The following DSG4 variants were observed in gnomAD, a reference collection of about 807,000 sequenced individuals.
The protein encoded by DSG4 is desmoglein-4.
A neutral mutation model predicts 93.1 loss-of-function variants in DSG4; 87 were observed. That is an observed-to-expected ratio of 0.93 (90% CI 0.79 to 1.12). The LOEUF (loss-of-function observed/expected upper bound fraction) is 1.12, where lower values mean the gene tolerates loss of function less well. Ranked by LOEUF, DSG4 falls within the 50% of genes most tolerant of loss-of-function variation. DSG4 has a pLI of 0.00. For synonymous variants in DSG4, 432 were observed against 452.9 expected, an observed-to-expected ratio of 0.95 and a Z score of 0.59; for missense variants, 1,373 against 1,285.7, an observed-to-expected ratio of 1.07 and a Z score of -1.04.
At chr18:31,410,246 A>T (rs968867158) in intron 14 of DSG4, among the ~76,000 whole-genome samples, 1 of 152,052 alleles carries the variant, frequency 6.6e-6, no homozygotes, top group Non-Finnish European at 1.5e-5. Flanking sequence ...ATTTAACCTC[A>T]CTGGGCCTCA....
chr18:31,391,308 C>T lies in DSG4; in HGVS notation c.819+96C>T. ...ATCATGCTGGCTCATGAGCCTGGTT[C>T]TGTCCTATGTGTGGACATACTCAAC... On this transcript the variant is annotated intron_variant, in intron 7 of 15. Coordinates refer to ENST00000308128, the MANE Select transcript of DSG4 (RefSeq NM_177986.5). 1.9e-6 allele frequency: 3 copies of T among 1,545,106 alleles called. No individual in the cohort carries two copies. The Admixed American group carries it at 5.1e-5, about 26-fold the overall frequency.
At chr18:31,383,200 C>G (rs562183454) in intron 1 of DSG4, among the ~76,000 whole-genome samples, 1 of 152,348 alleles carries the variant, frequency 6.6e-6, no homozygotes, top group East Asian at 1.9e-4. Context: ...CTATTTGGAT[C>G]AGAGTCTGAA....
At chr18:31,409,372 T>C in intron 12 of DSG4, 80 bp from the exon 13 acceptor site, 1 of 1,604,092 alleles carries the variant, frequency 6.2e-7, no homozygotes, top group Non-Finnish European at 8.5e-7. Flanking sequence ...TGCCACCAAA[T>C]GCTCCCCAGA....
At chr18:31,411,135 G>T (rs1244013607) in intron 14 of DSG4, 96 bp from the exon 15 acceptor site, 1 of 1,612,974 alleles carries the variant, frequency 6.2e-7, no homozygotes, top group South Asian at 1.1e-5. Context: ...GCCTTGCCGG[G>T]TGGTGGTGGC....
chr18:31,409,947 T>C, intron 14 of DSG4, 139 bp downstream of exon 14: 1 of 975,594 alleles, frequency 1.0e-6, no homozygotes, highest in Non-Finnish European at 1.5e-6. Context: ...ATGTGACCTG[T>C]TTGAAGTAGC....
At position 31,403,599 on chromosome 18, in the gene DSG4, G is replaced by A; in HGVS notation, c.1601G>A (p.Gly534Glu). Residue 534 changes from glycine to glutamate, a missense_variant, in exon 11 of 16, where the codon GGA becomes GAA. Gly to Glu is a moderately conservative substitution (Grantham distance 98). Coordinates refer to ENST00000308128, the MANE Select transcript of DSG4 (RefSeq NM_177986.5). ...FTFCVVDEPP[G>E]IADMWDVRST... Reference sequence around the variant, plus strand: ...TTCTGTGTTGTTGATGAGCCACCAGGAATAGCTGACATGTGGGATGTCAGA... The same window carrying A: ...TTCTGTGTTGTTGATGAGCCACCAGAAATAGCTGACATGTGGGATGTCAGA... The A allele has an allele frequency of 1.2e-6, 2 of 1,613,974 alleles. No individual in the cohort carries two copies. Among genetic ancestry groups the A allele is most frequent in the Non-Finnish European group, 1.7e-6 (2 of 1,179,930 alleles).
intron 3 of DSG4, among the ~76,000 whole-genome samples, chr18:31,387,262 T>C (rs113204066): frequency 3.3e-5 from 5 of 152,270 alleles, no homozygotes; most frequent in African/African-American, 1.2e-4. Context: ...TATAAGACTT[T>C]CACAAATAAT....
chr18:31,396,543 C>T (rs1037868146), intron 8 of DSG4, among the ~76,000 whole-genome samples: 2 of 151,756 alleles, frequency 1.3e-5, no homozygotes, highest in Non-Finnish European at 1.5e-5. Context: ...TCAGTAGAGA[C>T]GGGGTTTCAC....
intron 3 of DSG4, among the ~76,000 whole-genome samples, 155 bp downstream of exon 3, chr18:31,386,974 T>C (rs147403628): frequency 2.0e-5 from 3 of 152,266 alleles, no homozygotes; most frequent in Non-Finnish European, 2.9e-5. Context: ...TTGAATATCA[T>C]GTGCAGGGAG....
At chr18:31,400,678 A>G (rs1005878229) in intron 9 of DSG4, among the ~76,000 whole-genome samples, 1 of 152,156 alleles carries the variant, frequency 6.6e-6, no homozygotes, top group African/African-American at 2.4e-5. Flanking sequence ...AAATGATGAA[A>G]TTTTAAAACT....
rs2072511664 is a variant in DSG4, at chr18:31,412,946, T to TG, written c.2476dup (p.Asp826GlyfsTer2). 5 of 1,614,098 alleles carry TG rather than the reference T, an allele frequency of 3.1e-6. No individual in the cohort carries two copies. The highest frequency in any genetic ancestry group is 4.2e-6 in the Non-Finnish European group (5 of 1,180,054). On this transcript the variant is annotated frameshift_variant, in exon 16 of 16. Coordinates refer to ENST00000308128, the MANE Select transcript of DSG4 (RefSeq NM_177986.5). LOFTEE classifies it low-confidence loss of function (END_TRUNC). ...TCTATTGGTTGTTGCAGTTGGATTG[T>TG]GGATGACTTAGATGAAAGCTGCATG...
rs1355998063 is a variant in DSG4, at chr18:31,399,544, G to T, written c.1277+1G>T. 6.2e-7 allele frequency: 1 copy of T among 1,613,872 alleles called. No homozygotes were observed. The highest frequency in any genetic ancestry group is 8.5e-7 in the Non-Finnish European group (1 of 1,179,864). On this transcript the variant is annotated splice_donor_variant, in intron 9 of 15. Transcript: ENST00000308128. LOFTEE classifies it high-confidence loss of function. ...CAGGAAACCCTGCAACAGATGTCAG[G>T]TACTGCAACTATTTTCTTCATGTTC...
At chr18:31,410,053 A>G (rs2072469256) in intron 14 of DSG4, among the ~76,000 whole-genome samples, 1 of 152,220 alleles carries the variant, frequency 6.6e-6, no homozygotes, top group Non-Finnish European at 1.5e-5. Context: ...TTTGATTCCC[A>G]GCTCTGCCAC....
At chr18:31,397,088 A>G (rs2072313834) in intron 8 of DSG4, among the ~76,000 whole-genome samples, 1 of 152,180 alleles carries the variant, frequency 6.6e-6, no homozygotes, top group Non-Finnish European at 1.5e-5. Context: ...TTAATTCTAA[A>G]ATGAATCAGT....
chr18:31,391,011 C>A, intron 6 of DSG4, 67 bp from the exon 7 acceptor site: 1 of 1,589,106 alleles, frequency 6.3e-7, no homozygotes, highest in East Asian at 2.2e-5. Context: ...GAAATAATGG[C>A]ATTGAATGCA....
intron 15 of DSG4, among the ~76,000 whole-genome samples, chr18:31,412,028 T>C (rs1487374723): frequency 6.6e-6 from 1 of 152,136 alleles, no homozygotes; most frequent in Non-Finnish European, 1.5e-5. Flanking sequence ...GCTGGGTATA[T>C]ATCCAAAAGA....
chr18:31,395,271 TAAAA>T (rs10708419), intron 8 of DSG4, among the ~76,000 whole-genome samples: 47 of 130,184 alleles, frequency 3.6e-4, no homozygotes, highest in Non-Finnish European at 7.2e-4. Context: ...ACTTAATTGC[TAAAA>T]AAAAAAAAAA....
chr18:31,410,601 G>A (rs1329873641), intron 14 of DSG4, among the ~76,000 whole-genome samples: 3 of 152,034 alleles, frequency 2.0e-5, no homozygotes, highest in South Asian at 2.1e-4. Context: ...ACAAGCTTTT[G>A]CCTCAAAAGA....
At position 31,409,471 on chromosome 18, in the gene DSG4, C is replaced by A; in HGVS notation, c.1953C>A (p.Leu651=). 1 of 1,614,158 alleles carries A rather than the reference C, an allele frequency of 6.2e-7. No individual in the cohort carries two copies. The highest frequency in any genetic ancestry group is 1.1e-5 in the South Asian group (1 of 91,048). The part of the protein sequence containing the change: ...LLLILAPLLL[L]LCCCKQRQPE... The stretch of plus-strand genomic sequence containing the variant: ...GGGCAGTGGCTCCACTCTTGCTGCT[C>A]CTGTGTTGCTGCAAACAGAGACAGC... The change falls in exon 13 of 16, where the codon CTC becomes CTA. Residue 651 remains leucine, a synonymous_variant. Transcript: ENST00000308128.
Sources: gnomAD v4.1 joint callset for allele counts (sites outside exome capture counted in the v4.1 genomes callset) on GRCh38, gnomAD v4.1.1 for gene constraint, MANE v1.5 for transcripts, NCBI Gene and HGNC (gene_info 2026-07-23, HGNC 2026-07-21) for gene names.